DIAPH3: variants seen among roughly 807,000 people sequenced by gnomAD.
The protein encoded by DIAPH3 is diaphanous related formin 3.
In DIAPH3, 117 loss-of-function variants were observed where a neutral mutation model predicts 144.3. The observed-to-expected ratio is 0.81, with a 90% CI of 0.70 to 0.95. DIAPH3 has a LOEUF of 0.95. Among genes scored for constraint, DIAPH3 ranks in the 40% least tolerant of loss-of-function variants. DIAPH3 has a pLI of 0.00. For synonymous variants in DIAPH3, 519 were observed against 488.9 expected, an observed-to-expected ratio of 1.06 and a Z score of -0.81; for missense variants, 1,421 against 1,412.7, an observed-to-expected ratio of 1.01 and a Z score of -0.09.
At chr13:60,090,369 G>A (rs1034751873) in intron 4 of DIAPH3, among the ~76,000 whole-genome samples, 1 of 151,210 alleles carries the variant, frequency 6.6e-6, no homozygotes, top group Non-Finnish European at 1.5e-5. Context: ...TTTGATTGGT[G>A]GCTTTTTTTT....
chr13:59,863,774 C>T (rs2139947481), intron 21 of DIAPH3, among the ~76,000 whole-genome samples: 1 of 152,240 alleles, frequency 6.6e-6, no homozygotes, highest in East Asian at 1.9e-4. Flanking sequence ...GATTTCACAA[C>T]ATAGAGCTGA....
intron 22 of DIAPH3, among the ~76,000 whole-genome samples, chr13:59,843,252 T>C (rs1398377835): frequency 6.6e-6 from 1 of 152,166 alleles, no homozygotes; most frequent in Non-Finnish European, 1.5e-5. Flanking sequence ...AGTACATGTC[T>C]GGTCAGAGGG....
chr13:59,992,096 G>T lies in DIAPH3; in HGVS notation c.1216C>A (p.Arg406Ser). ...AGTTCAGCTCTAATATCTTCAAGGCGATGGGATAACTCAAACAAATCTTCT... is the reference window on the plus strand; with the variant it reads ...AGTTCAGCTCTAATATCTTCAAGGCTATGGGATAACTCAAACAAATCTTCT... ...KEEDLFELSH[R>S]LEDIRAELDE... The change falls in exon 11 of 28, where the codon CGC (arginine) becomes AGC (serine). Residue 406 changes from arginine to serine, a missense_variant. Coordinates refer to ENST00000400324, the MANE Select transcript of DIAPH3 (RefSeq NM_001042517.2). 1 of 1,611,760 alleles carries T rather than the reference G, an allele frequency of 6.2e-7. No individual in the cohort carries two copies. The highest frequency in any genetic ancestry group is 1.1e-5 in the South Asian group (1 of 91,032).
At chr13:60,113,179 T>C (rs2058615963) in intron 2 of DIAPH3, among the ~76,000 whole-genome samples, 1 of 152,226 alleles carries the variant, frequency 6.6e-6, no homozygotes, top group Non-Finnish European at 1.5e-5. Flanking sequence ...AATTGAATGA[T>C]ATTAAAAATT....
chr13:59,813,430 T>C (rs924057134), intron 24 of DIAPH3, among the ~76,000 whole-genome samples: 4 of 152,002 alleles, frequency 2.6e-5, no homozygotes, highest in African/African-American at 9.7e-5. Context: ...TTGTTTACTG[T>C]AATAAAAGTA....
intron 17 of DIAPH3, among the ~76,000 whole-genome samples, chr13:59,956,996 C>G (rs543074158): frequency 6.6e-6 from 1 of 152,250 alleles, no homozygotes; most frequent in East Asian, 1.9e-4. Flanking sequence ...TGTATTTACC[C>G]GATGCATGTA....
intron 22 of DIAPH3, 27 bp from the exon 23 acceptor site, chr13:59,839,475 G>C: frequency 2.5e-6 from 4 of 1,607,432 alleles, no homozygotes; most frequent in Non-Finnish European, 3.4e-6. Flanking sequence ...TAAATGCCCG[G>C]AAAGGACAAA....
chr13:59,888,531 T>C (rs953686531), intron 20 of DIAPH3, among the ~76,000 whole-genome samples: 9 of 152,092 alleles, frequency 5.9e-5, no homozygotes, highest in African/African-American at 1.9e-4. Context: ...TATGCCTCTT[T>C]TTATATTTTC....
At chr13:59,688,446 C>A (rs1566181627) in intron 27 of DIAPH3, among the ~76,000 whole-genome samples, 1 of 151,944 alleles carries the variant, frequency 6.6e-6, no homozygotes, top group African/African-American at 2.4e-5. Context: ...TTCAACCTCA[C>A]AAGTAAGTCC....
intron 27 of DIAPH3, among the ~76,000 whole-genome samples, chr13:59,763,666 A>G (rs770181329): frequency 2.0e-5 from 3 of 152,158 alleles, no homozygotes; most frequent in African/African-American, 4.8e-5. Flanking sequence ...CCTAGGCAAC[A>G]GAGAGAAACC....
At chr13:59,687,203 T>A (rs2044690718) in intron 27 of DIAPH3, among the ~76,000 whole-genome samples, 1 of 152,112 alleles carries the variant, frequency 6.6e-6, no homozygotes, top group African/African-American at 2.4e-5. Context: ...TACCACAGCA[T>A]CTGCTGATTA....
chr13:59,829,134 G>A (rs1391745565), intron 24 of DIAPH3, among the ~76,000 whole-genome samples: 5 of 151,940 alleles, frequency 3.3e-5, no homozygotes, highest in Non-Finnish European at 2.9e-5. Flanking sequence ...TAGAAACACT[G>A]AGGAGAGACT....
At chr13:60,023,060 A>T (rs577916933) in intron 5 of DIAPH3, among the ~76,000 whole-genome samples, 7 of 151,852 alleles carry the variant, frequency 4.6e-5, no homozygotes, top group East Asian at 1.9e-4. Context: ...GCCTCATTTT[A>T]AAAAAAAATT....
At chr13:60,134,075 C>T (rs1229485103) in intron 1 of DIAPH3, among the ~76,000 whole-genome samples, 1 of 152,144 alleles carries the variant, frequency 6.6e-6, no homozygotes, top group African/African-American at 2.4e-5. Context: ...ATCACCATCC[C>T]AGATTCTCTT....
chr13:60,122,866 G>T (rs1043988969), intron 2 of DIAPH3, among the ~76,000 whole-genome samples: 8 of 151,788 alleles, frequency 5.3e-5, no homozygotes, highest in African/African-American at 1.9e-4. Context: ...TAACATTCAA[G>T]AAACCCCAAA....
chr13:59,798,870 G>C (rs1009104277), intron 25 of DIAPH3, among the ~76,000 whole-genome samples: 5 of 152,138 alleles, frequency 3.3e-5, no homozygotes, highest in African/African-American at 1.2e-4. Flanking sequence ...AGAGAGTTGA[G>C]TCCAAGAGTG....
intron 18 of DIAPH3, among the ~76,000 whole-genome samples, chr13:59,917,826 G>C (rs1030036466): frequency 1.1e-4 from 15 of 137,498 alleles, no homozygotes; most frequent in South Asian, 2.4e-4. Flanking sequence ...AGAGGCAGAG[G>C]TTGCAGTGAG....
chr13:59,997,823 T>C (rs981979379), intron 9 of DIAPH3, among the ~76,000 whole-genome samples: 7 of 152,052 alleles, frequency 4.6e-5, no homozygotes, highest in African/African-American at 1.7e-4. Context: ...TGGGTATAAG[T>C]AGATGTTTTT....
chr13:60,039,913 T>C (rs1411256397), intron 5 of DIAPH3, among the ~76,000 whole-genome samples: 1 of 152,116 alleles, frequency 6.6e-6, no homozygotes, highest in Non-Finnish European at 1.5e-5. Context: ...ATTTCTCTAA[T>C]TGGAACACTG....
Sources: gnomAD v4.1 joint callset for allele counts (sites outside exome capture counted in the v4.1 genomes callset) on GRCh38, gnomAD v4.1.1 for gene constraint, MANE v1.5 for transcripts, NCBI Gene and HGNC (gene_info 2026-07-23, HGNC 2026-07-21) for gene names.